Variants in GSKIP observed in about 807,000 individuals in gnomAD.
GSKIP encodes the protein GSK3B-interacting protein.
Under a neutral mutation model 11.9 loss-of-function variants are expected in GSKIP, and 5 were observed. That is an observed-to-expected ratio of 0.42 (90% CI 0.22 to 0.89). The LOEUF is 0.89. Among genes scored for constraint, GSKIP ranks in the 40% least tolerant of loss-of-function variants. The pLI, the probability that GSKIP is intolerant of heterozygous loss-of-function variation, is 0.29. For missense variants in GSKIP, 150 were observed against 166.6 expected, an observed-to-expected ratio of 0.90 and a Z score of 0.55; for synonymous variants, 70 against 62.9, an observed-to-expected ratio of 1.11 and a Z score of -0.54.
At chr14:96,368,764 T>A (rs924222391) in intron 1 of GSKIP, among the ~76,000 whole-genome samples, 1 of 151,684 alleles carries the variant, frequency 6.6e-6, no homozygotes, top group African/African-American at 2.4e-5. Flanking sequence ...CCCTCCCTCC[T>A]TCCTTCCTTC....
intron 1 of GSKIP, among the ~76,000 whole-genome samples, chr14:96,377,836 CA>C (rs1297455911): frequency 6.6e-6 from 1 of 152,190 alleles, no homozygotes; most frequent in African/African-American, 2.4e-5. Flanking sequence ...TGACTTGGGA[CA>C]TAAATAAACC....
chr14:96,382,687 A>AT (rs1269109966), intron 3 of GSKIP, among the ~76,000 whole-genome samples, 182 bp downstream of exon 3: 1 of 152,180 alleles, frequency 6.6e-6, no homozygotes, highest in East Asian at 1.9e-4. Context: ...TTTGATCGAT[A>AT]TGGGGAAACA....
At chr14:96,372,641 G>A (rs1270936590) in intron 1 of GSKIP, among the ~76,000 whole-genome samples, 5 of 152,162 alleles carry the variant, frequency 3.3e-5, no homozygotes, top group African/African-American at 1.2e-4. Flanking sequence ...AGTAGTATAG[G>A]TGATCCCTGA....
chr14:96,379,993 TA>T (rs1396510088), intron 2 of GSKIP: 1 of 152,138 alleles, frequency 6.6e-6, no homozygotes, highest in Non-Finnish European at 1.5e-5. Context: ...CAAAACTATG[TA>T]AAAAAGAAAG....
At chr14:96,372,608 C>G (rs1176146131) in intron 1 of GSKIP, among the ~76,000 whole-genome samples, 1 of 152,144 alleles carries the variant, frequency 6.6e-6, no homozygotes, top group East Asian at 1.9e-4. Flanking sequence ...AAACAAACAA[C>G]AAGATGGTAA....
intron 1 of GSKIP, among the ~76,000 whole-genome samples, chr14:96,377,870 C>T (rs148472337): frequency 8.5e-4 from 129 of 152,268 alleles, no homozygotes; most frequent in African/African-American, 2.9e-3. Context: ...TGAGATGGTG[C>T]CTTTAATTGG....
In GSKIP at chr14:96,379,718, A is replaced by G. The variant is rs1436033718; in HGVS notation, c.-72A>G. 2.0e-5 allele frequency: 3 copies of G among 152,240 alleles called. No homozygotes were observed. In the East Asian group the frequency reaches 5.8e-4, roughly 29 times the overall value. 9.4% of individuals were successfully genotyped at this position (152,240 alleles called of 1,614,324 possible). On this transcript the variant is annotated 5_prime_UTR_variant, in exon 2 of 4. Coordinates refer to ENST00000555181, the MANE Select transcript of GSKIP (RefSeq NM_016472.5). ...TGCTGATTATCACAACTGTTTGGTG[A>G]CCTACTTCACTGACCTGTGAGGATT...
At chr14:96,385,109 T>G (rs972918907) in intron 3 of GSKIP, among the ~76,000 whole-genome samples, 1 of 152,192 alleles carries the variant, frequency 6.6e-6, no homozygotes, top group Non-Finnish European at 1.5e-5. Context: ...TTATAGTACT[T>G]AATATAGTGG....
chr14:96,385,778 G>T lies in GSKIP; in HGVS notation c.*94G>T. On this transcript the variant is annotated 3_prime_UTR_variant, in exon 4 of 4. Coordinates refer to ENST00000555181, the MANE Select transcript of GSKIP (RefSeq NM_016472.5). Reference sequence around the variant, plus strand: ...ATATGGTCATAGAAAATGCATCTTTGGTTTTGTGTTTTTATCACTTGCTTC... The same window carrying T: ...ATATGGTCATAGAAAATGCATCTTTTGTTTTGTGTTTTTATCACTTGCTTC... 1.0e-6 allele frequency: 1 copy of T among 992,874 alleles called. No homozygotes were observed. The highest frequency in any genetic ancestry group is 2.6e-5 in the Admixed American group (1 of 37,992). 61.5% of individuals were successfully genotyped at this position (992,874 alleles called of 1,614,324 possible). A position where few individuals can be genotyped will look rare whatever the true frequency, so the allele number is the denominator to read the frequency against.
At chr14:96,377,436 G>A (rs149232074) in intron 1 of GSKIP, among the ~76,000 whole-genome samples, 1 of 152,292 alleles carries the variant, frequency 6.6e-6, no homozygotes, top group East Asian at 1.9e-4. Context: ...TGAAATGGGC[G>A]TGTATTTTCT....
chr14:96,364,316 C>T (rs1888801725), intron 1 of GSKIP: 1 of 152,274 alleles, frequency 6.6e-6, no homozygotes, highest in Non-Finnish European at 1.5e-5. Flanking sequence ...TTTGAGCGGC[C>T]ACTGCCCTCC....
chr14:96,369,897 G>A (rs1360403435), intron 1 of GSKIP, among the ~76,000 whole-genome samples: 1 of 152,150 alleles, frequency 6.6e-6, no homozygotes, highest in Non-Finnish European at 1.5e-5. Flanking sequence ...GCCACTGGCA[G>A]TGTGCACCCT....
Position 96,382,232 on chromosome 14 carries a change from T to C in GSKIP, c.-1-15T>C, listed in dbSNP as rs2139943258. On this transcript the variant is annotated splice_polypyrimidine_tract_variant and intron_variant, in intron 2 of 3. Coordinates refer to ENST00000555181, the MANE Select transcript of GSKIP (RefSeq NM_016472.5). ...TATAAACAAATTTTATAACTGCTTT[T>C]TTTTTTTTTTACAGAATGGAAACAG... 1 of 1,525,908 alleles carries C rather than the reference T, an allele frequency of 6.6e-7. No individual in the cohort carries two copies. The highest frequency in any genetic ancestry group is 2.3e-5 in the East Asian group (1 of 43,752). The allele number at this position is 1,525,908 out of a possible 1,614,324, so 94.5% of individuals were successfully genotyped here.
At chr14:96,372,224 CAGAG>C (rs1889067039) in intron 1 of GSKIP, among the ~76,000 whole-genome samples, 1 of 152,154 alleles carries the variant, frequency 6.6e-6, no homozygotes, top group South Asian at 2.1e-4. Context: ...ACCTGAGAAG[CAGAG>C]AGTTAGAATT....
chr14:96,371,432 T>C (rs1489175813), intron 1 of GSKIP, among the ~76,000 whole-genome samples: 1 of 148,396 alleles, frequency 6.7e-6, no homozygotes, highest in Non-Finnish European at 1.5e-5. Context: ...AAATTAAAGC[T>C]ATCAACAATC....
rs549036292 is a variant in GSKIP, at chr14:96,380,708, A to T, written c.-2+920A>T. ...AAATTGAGACTCCTTCTAAAAATGC[A>T]TTTAAGAGCCAGGTGTGGTGGCTTG... On this transcript the variant is annotated intron_variant, in intron 2 of 3. Coordinates refer to ENST00000555181, the MANE Select transcript of GSKIP (RefSeq NM_016472.5). Among the ~76,000 whole-genome samples, 88 of 152,292 alleles carry T rather than the reference A, an allele frequency of 5.8e-4. 3 individuals are homozygous for T. In the South Asian group the frequency reaches 0.017, roughly 30 times the overall value.
chr14:96,370,262 T>A (rs564475864), intron 1 of GSKIP, among the ~76,000 whole-genome samples: 1 of 152,342 alleles, frequency 6.6e-6, no homozygotes, highest in Non-Finnish European at 1.5e-5. Flanking sequence ...TTGAGTCTCA[T>A]AAGAATTTGG....
At chr14:96,380,104 A>G (rs2139941069) in intron 2 of GSKIP, 1 of 152,324 alleles carries the variant, frequency 6.6e-6, no homozygotes, top group African/African-American at 2.4e-5. Context: ...TTTTTCCTAT[A>G]TAATAAGTCA....
chr14:96,382,389 G>A lies in GSKIP; in HGVS notation c.142G>A (p.Val48Ile). ...AGTTGTAAATGATGTTCTCTTTGCTGTTAACAACATGTTTGTCTCGAAAAG... is the reference window on the plus strand; with the variant it reads ...AGTTGTAAATGATGTTCTCTTTGCTATTAACAACATGTTTGTCTCGAAAAG... The part of the protein sequence containing the change: ...EAVVNDVLFA[V>I]NNMFVSKSLR... Residue 48 changes from valine to isoleucine, a missense_variant, in exon 3 of 4, where the codon GTT becomes ATT. By Grantham distance (29) the Val-to-Ile change is conservative (BLOSUM62 3). Transcript: ENST00000555181. 6.2e-7 allele frequency: 1 copy of A among 1,613,960 alleles called. No homozygotes were observed. The highest frequency in any genetic ancestry group is 8.5e-7 in the Non-Finnish European group (1 of 1,179,900).
Sources: gnomAD v4.1 joint callset for allele counts (sites outside exome capture counted in the v4.1 genomes callset) on GRCh38, gnomAD v4.1.1 for gene constraint, MANE v1.5 for transcripts, NCBI Gene and HGNC (gene_info 2026-07-23, HGNC 2026-07-21) for gene names.